Variants in GARNL3 observed in about 807,000 individuals in gnomAD.
The protein encoded by GARNL3 is GTPase activating Rap/RanGAP domain like 3, also known as GTPase-activating Rap/Ran-GAP domain-like protein 3.
In GARNL3, 63 loss-of-function variants were observed where a neutral mutation model predicts 125.0. The observed-to-expected ratio is 0.50, with a 90% CI of 0.41 to 0.62. GARNL3 has a LOEUF of 0.62. GARNL3 is among the 20% of genes least tolerant of loss of function. The probability of loss-of-function intolerance (pLI) is 0.00; values close to 1 mark genes in which losing one functional copy is unlikely to be tolerated. For missense variants in GARNL3, 994 were observed against 1,244.0 expected (o/e 0.80, Z 3.02); for synonymous variants, 439 against 457.5 (o/e 0.96, Z 0.52).
chr9:127,300,004 A>G lies in GARNL3; in HGVS notation c.219+8762A>G, dbSNP rs141206051. 293 of 236,904 alleles carry G rather than the reference A, an allele frequency of 1.2e-3. 1 individual carries two copies. Among genetic ancestry groups the G allele is most frequent in the Non-Finnish European group, 2.1e-3 (247 of 116,776 alleles). 14.7% of individuals were successfully genotyped at this position (236,904 alleles called of 1,614,324 possible). ...CAGGCATGAGCCACCATGTCCGGCC[A>G]TATATACATTTTTTTTAAAGGCCTG... is the stretch of plus-strand genomic sequence containing the variant. On this transcript the variant is annotated intron_variant, in intron 2 of 27. Transcript: ENST00000373387.
chr9:127,301,170 C>T lies in GARNL3; in HGVS notation c.219+9928C>T, dbSNP rs140661766. Among the ~76,000 whole-genome samples the T allele has an allele frequency of 1.5e-3, 232 of 152,270 alleles. 1 individual carries two copies. Among genetic ancestry groups the T allele is most frequent in the Non-Finnish European group, 2.2e-3 (147 of 68,022 alleles). On this transcript the variant is annotated intron_variant, in intron 2 of 27. Coordinates refer to ENST00000373387, the MANE Select transcript of GARNL3 (RefSeq NM_032293.5). ...CAGGATCAGTTCCATCATTGTCATC[C>T]TTATTGCTGTTCCTTGGACACATGT...
intron 2 of GARNL3, among the ~76,000 whole-genome samples, chr9:127,298,502 T>C (rs2064678361): frequency 6.6e-6 from 1 of 152,136 alleles, no homozygotes; most frequent in Non-Finnish European, 1.5e-5. Context: ...TCTTAGAAAA[T>C]ATGGTTTTTA....
chr9:127,231,023 T>C (rs959062440), intron 1 of GARNL3, among the ~76,000 whole-genome samples: 1 of 84,106 alleles, frequency 1.2e-5, no homozygotes, highest in African/African-American at 4.3e-5. Flanking sequence ...TATATACATA[T>C]ATGTATATAT....
intron 6 of GARNL3, among the ~76,000 whole-genome samples, chr9:127,323,283 T>C (rs1254588359): frequency 6.6e-6 from 1 of 152,204 alleles, no homozygotes; most frequent in Non-Finnish European, 1.5e-5. Context: ...ATTTTAAAAA[T>C]CTGAATTATG....
rs1048940445 is a variant in GARNL3 at position 127,385,644 on chromosome 9, G to A, written c.2388+499G>A. Among the ~76,000 whole-genome samples, 1 of 152,160 alleles carries A rather than the reference G, an allele frequency of 6.6e-6. No homozygotes were observed. Among genetic ancestry groups the A allele is most frequent in the Non-Finnish European group, 1.5e-5 (1 of 68,038 alleles). ...GATGCCTTCCAAGATGTCTTTTGTCGCTGGCATATAATCTGGGGGGTCTTG... is the reference window on the plus strand; with the variant it reads ...GATGCCTTCCAAGATGTCTTTTGTCACTGGCATATAATCTGGGGGGTCTTG... On this transcript the variant is annotated intron_variant, in intron 24 of 27. Transcript: ENST00000373387. The surrounding 1 kb of genome is among the most constrained non-coding windows in gnomAD (Gnocchi z 4.1).
intron 1 of GARNL3, among the ~76,000 whole-genome samples, chr9:127,239,201 A>C (rs1237391679): frequency 6.6e-6 from 1 of 152,158 alleles, no homozygotes; most frequent in African/African-American, 2.4e-5. Flanking sequence ...GCAGGTTCAC[A>C]TGTACTTTTG....
intron 1 of GARNL3, among the ~76,000 whole-genome samples, chr9:127,241,104 C>T (rs1033074808): frequency 2.0e-5 from 3 of 152,186 alleles, no homozygotes; most frequent in Non-Finnish European, 2.9e-5. Context: ...GCTACCCAGT[C>T]GGACAGCTCA....
At chr9:127,365,138 C>T in intron 21 of GARNL3, 162 bp from the exon 22 acceptor site, 3 of 619,162 alleles carry the variant, frequency 4.8e-6, no homozygotes, top group South Asian at 2.2e-5. Context: ...TATTATAATC[C>T]CAGCCCCCAA....
chr9:127,332,403 C>A, intron 8 of GARNL3, 54 bp downstream of exon 8: 2 of 1,395,772 alleles, frequency 1.4e-6, no homozygotes, highest in Non-Finnish European at 2.0e-6. Flanking sequence ...TGCCTTGTTG[C>A]ATTCTTGCCA....
intron 21 of GARNL3, among the ~76,000 whole-genome samples, chr9:127,360,593 A>G (rs1413097096): frequency 6.6e-6 from 1 of 152,218 alleles, no homozygotes; most frequent in African/African-American, 2.4e-5. Context: ...CCTTGTGGGA[A>G]CAGGACTAGC....
intron 1 of GARNL3, among the ~76,000 whole-genome samples, chr9:127,230,873 C>G (rs2062987648): frequency 1.3e-5 from 2 of 150,814 alleles, no homozygotes; most frequent in South Asian, 4.2e-4. Flanking sequence ...TTAGGATTGG[C>G]TGAACAAAAC....
chr9:127,393,269 AT>A lies in GARNL3; in HGVS notation c.*18del, dbSNP rs993388873. 6.3e-7 allele frequency: 1 copy of A among 1,577,366 alleles called. No individual in the cohort carries two copies. Among genetic ancestry groups the A allele is most frequent in the African/African-American group, 1.3e-5 (1 of 74,212 alleles). Reference sequence around the variant, plus strand: ...ACTTGAAGTAACAGAGTTGAATCTCATTTGCCATCTTTAGTTTTCTTATGGA... The same window carrying A: ...ACTTGAAGTAACAGAGTTGAATCTCATTGCCATCTTTAGTTTTCTTATGGA... On this transcript the variant is annotated 3_prime_UTR_variant, in exon 28 of 28. Coordinates refer to ENST00000373387, the MANE Select transcript of GARNL3 (RefSeq NM_032293.5).
chr9:127,304,510 A>C (rs954657841), intron 2 of GARNL3, among the ~76,000 whole-genome samples: 42 of 148,994 alleles, frequency 2.8e-4, no homozygotes, highest in Admixed American at 1.3e-4. Flanking sequence ...CAGACTCAAA[A>C]TGGTCATAGT....
chr9:127,228,450 C>T (rs1231044843), intron 1 of GARNL3, among the ~76,000 whole-genome samples: 1 of 152,194 alleles, frequency 6.6e-6, no homozygotes, highest in Admixed American at 6.5e-5. Context: ...TTTTTCCCCA[C>T]TCTCAATACT....
chr9:127,246,201 G>A (rs1055142739), intron 2 of GARNL3, among the ~76,000 whole-genome samples: 1 of 152,206 alleles, frequency 6.6e-6, no homozygotes, highest in African/African-American at 2.4e-5. Context: ...TTGAAAGTTG[G>A]AAAGATAATT....
chr9:127,312,348 G>A (rs139310429), intron 3 of GARNL3, among the ~76,000 whole-genome samples: 4 of 152,136 alleles, frequency 2.6e-5, no homozygotes, highest in South Asian at 2.1e-4. Context: ...TCTCTGAGAC[G>A]CAGTTTTCCT....
At chr9:127,331,980 AC>A (rs1413028268) in intron 7 of GARNL3, among the ~76,000 whole-genome samples, 2 of 151,540 alleles carry the variant, frequency 1.3e-5, no homozygotes, top group Admixed American at 1.3e-4. Flanking sequence ...ATTTGTTGGA[AC>A]CCTGTTTTGC....
chr9:127,282,602 TAAAG>T (rs2064132925), intron 1 of GARNL3, among the ~76,000 whole-genome samples: 1 of 152,224 alleles, frequency 6.6e-6, no homozygotes, highest in Admixed American at 6.5e-5. Context: ...GCCCTCATTT[TAAAG>T]AAAGGGGATC....
At chr9:127,329,998 T>C (rs185641965) in intron 7 of GARNL3, among the ~76,000 whole-genome samples, 114 of 152,326 alleles carry the variant, frequency 7.5e-4, no homozygotes, top group African/African-American at 2.6e-3. Context: ...TTTTCTTTAG[T>C]CTAGTGGTTC....
Sources: gnomAD v4.1 joint callset for allele counts (sites outside exome capture counted in the v4.1 genomes callset) on GRCh38, gnomAD v4.1.1 for gene constraint, Gnocchi (gnomAD v3.1) non-coding constraint, MANE v1.5 for transcripts, NCBI Gene and HGNC (gene_info 2026-07-23, HGNC 2026-07-21) for gene names.